Variants in ZPLD1 observed in about 807,000 individuals in gnomAD.
The protein encoded by ZPLD1 is zona pellucida like domain containing 1.
In ZPLD1, 34 loss-of-function variants were observed where a neutral mutation model predicts 47.2. That is an observed-to-expected ratio of 0.72 (90% CI 0.55 to 0.96). The LOEUF (loss-of-function observed/expected upper bound fraction) is 0.96. Ranked by LOEUF, ZPLD1 falls within the 40% of genes least tolerant of loss-of-function variation. The pLI, the probability that ZPLD1 is intolerant of heterozygous loss-of-function variation, is 0.00. For synonymous variants in ZPLD1, 176 were observed against 186.2 expected (o/e 0.95, Z 0.45); for missense variants, 512 against 505.8 (o/e 1.01, Z -0.12).
intron 7 of ZPLD1, among the ~76,000 whole-genome samples, chr3:102,397,483 G>A (rs150035399): frequency 3.9e-5 from 6 of 152,176 alleles, no homozygotes; most frequent in East Asian, 1.9e-4. Flanking sequence ...GTACTGCCCC[G>A]CTGCTCAAAA....
intron 4 of ZPLD1, among the ~76,000 whole-genome samples, chr3:102,455,956 C>T (rs951094713): frequency 6.6e-6 from 1 of 152,088 alleles, no homozygotes; most frequent in Non-Finnish European, 1.5e-5. Flanking sequence ...CCTATAATCT[C>T]CTTTCTTTTT....
chr3:102,410,694 T>C (rs148377367), intron 7 of ZPLD1, among the ~76,000 whole-genome samples: 240 of 151,840 alleles, frequency 1.6e-3, no homozygotes, highest in African/African-American at 5.5e-3. Context: ...CCCCCCTCTA[T>C]TAAGAATTCT....
intron 3 of ZPLD1, among the ~76,000 whole-genome samples, chr3:102,447,664 A>C (rs2107330085): frequency 6.6e-6 from 1 of 152,336 alleles, no homozygotes; most frequent in East Asian, 1.9e-4. Context: ...ATGAACTGAA[A>C]ATGATGCAGT....
chr3:102,456,439 C>A, intron 5 of ZPLD1, 65 bp downstream of exon 5: 1 of 1,391,698 alleles, frequency 7.2e-7, no homozygotes, highest in Non-Finnish European at 1.0e-6. Flanking sequence ...TCGTATCTTT[C>A]AGGGACTTAG....
upstream of ZPLD1, among the ~76,000 whole-genome samples, chr3:102,431,682 G>A (rs540468315): frequency 3.3e-5 from 5 of 152,204 alleles, no homozygotes; most frequent in Non-Finnish European, 5.9e-5. Context: ...GCCGGGGTGT[G>A]TGGATCACCT....
At chr3:102,405,350 G>A (rs1200144118) in intron 7 of ZPLD1, among the ~76,000 whole-genome samples, 1 of 151,916 alleles carries the variant, frequency 6.6e-6, no homozygotes, top group Admixed American at 6.6e-5. Flanking sequence ...CTAAAGAGAA[G>A]GGTGATTTCT....
At chr3:102,435,789 C>G (rs544163300) in intron 1 of ZPLD1, among the ~76,000 whole-genome samples, 8 of 152,058 alleles carry the variant, frequency 5.3e-5, no homozygotes, top group African/African-American at 1.9e-4. Context: ...ACTACAGGCT[C>G]CCGCCACCAC....
At position 102,466,106 on chromosome 3, in the gene ZPLD1, C is replaced by T. The variant is rs539644176; in HGVS notation, c.761+1855C>T. The stretch of plus-strand genomic sequence containing the variant: ...GTATACCTTCTAAAGGTAAAGGAAT[C>T]GCCTGGGAAGGCAGGGGCTCTGTCC... On this transcript the variant is annotated intron_variant, in intron 8 of 11. Transcript: ENST00000466937. Among the ~76,000 whole-genome samples the T allele has an allele frequency of 2.1e-4, 32 of 152,308 alleles. No homozygotes were observed. In the South Asian group the frequency reaches 2.5e-3, roughly 12 times the overall value.
intron 8 of ZPLD1, among the ~76,000 whole-genome samples, chr3:102,420,634 A>G (rs186706355): frequency 0.012 from 1,752 of 152,016 alleles, 24 homozygotes; most frequent in South Asian, 0.023. Context: ...AAAAATGTGA[A>G]AACTATTTTT....
At chr3:102,477,083 G>C (rs1461159349) in intron 11 of ZPLD1, 42 bp downstream of exon 11, 1 of 1,606,496 alleles carries the variant, frequency 6.2e-7, no homozygotes, top group East Asian at 2.2e-5. Flanking sequence ...TTACATTTTT[G>C]GTGATCAGTT....
At chr3:102,430,544 A>T (rs1299881560), upstream of ZPLD1, among the ~76,000 whole-genome samples, 1 of 152,226 alleles carries the variant, frequency 6.6e-6, no homozygotes, top group Non-Finnish European at 1.5e-5. Context: ...CTCACCAAAA[A>T]TATGTGAAAT....
At chr3:102,425,437 T>A (rs1480442585) in intron 8 of ZPLD1, among the ~76,000 whole-genome samples, 1 of 152,196 alleles carries the variant, frequency 6.6e-6, no homozygotes, top group Non-Finnish European at 1.5e-5. Flanking sequence ...TTAGTTATAA[T>A]GCAACATTAT....
At chr3:102,474,359 AG>A (rs1707727157) in intron 10 of ZPLD1, among the ~76,000 whole-genome samples, 1 of 152,098 alleles carries the variant, frequency 6.6e-6, no homozygotes, top group Admixed American at 6.6e-5. Flanking sequence ...AGAATTGCTG[AG>A]TTTTATGAGT....
chr3:102,426,753 T>C (rs1323589313), intron 8 of ZPLD1, among the ~76,000 whole-genome samples: 2 of 152,206 alleles, frequency 1.3e-5, no homozygotes, highest in Non-Finnish European at 2.9e-5. Context: ...TGAGTATATA[T>C]GCTACTTGAT....
At chr3:102,399,659 A>C (rs1432195736) in intron 7 of ZPLD1, among the ~76,000 whole-genome samples, 1 of 152,108 alleles carries the variant, frequency 6.6e-6, no homozygotes, top group African/African-American at 2.4e-5. Context: ...AACTACAAAG[A>C]AAAAAATAAA....
At chr3:102,426,115 C>CACACACACACACACATGCACACACACAA in intron 8 of ZPLD1, among the ~76,000 whole-genome samples, 1 of 142,114 alleles carries the variant, frequency 7.0e-6, no homozygotes, top group South Asian at 2.1e-4. Flanking sequence ...ATTTCCTACA[C>CACACACACACACACATGCACACACACAA]ACACACACAC....
chr3:102,425,561 T>C (rs1706935325), intron 8 of ZPLD1, among the ~76,000 whole-genome samples: 1 of 152,138 alleles, frequency 6.6e-6, no homozygotes, highest in South Asian at 2.1e-4. Flanking sequence ...AACAGCTTAC[T>C]TTGCCTACTG....
intron 9 of ZPLD1, 88 bp from the exon 10 acceptor site, chr3:102,470,306 T>A: frequency 2.2e-6 from 2 of 930,152 alleles, no homozygotes; most frequent in Non-Finnish European, 3.4e-6. Flanking sequence ...ATGTGGTATC[T>A]CTTCCAAAAG....
At chr3:102,399,424 T>G (rs1412336966) in intron 7 of ZPLD1, among the ~76,000 whole-genome samples, 1 of 152,090 alleles carries the variant, frequency 6.6e-6, no homozygotes, top group Non-Finnish European at 1.5e-5. Flanking sequence ...ACATCTTGTC[T>G]ACAGAGTTTT....
Sources: gnomAD v4.1 joint callset for allele counts (sites outside exome capture counted in the v4.1 genomes callset) on GRCh38, gnomAD v4.1.1 for gene constraint, MANE v1.5 for transcripts, NCBI Gene and HGNC (gene_info 2026-07-23, HGNC 2026-07-21) for gene names.